Variants in FSHR observed in about 807,000 individuals in gnomAD.
The protein encoded by FSHR is follicle stimulating hormone receptor.
A neutral mutation model predicts 52.1 loss-of-function variants in FSHR; 46 were observed. That is an observed-to-expected ratio of 0.88 (90% CI 0.70 to 1.13). FSHR has a LOEUF of 1.13. Ranked by LOEUF, FSHR falls within the 50% of genes most tolerant of loss-of-function variation. The pLI, the probability that FSHR is intolerant of heterozygous loss-of-function variation, is 0.00. For synonymous variants in FSHR, 399 were observed against 309.6 expected (o/e 1.29, Z -3.03); for missense variants, 964 against 834.6 (o/e 1.16, Z -1.91).
At chr2:49,000,337 G>A (rs1350385141) in intron 4 of FSHR, among the ~76,000 whole-genome samples, 1 of 152,150 alleles carries the variant, frequency 6.6e-6, no homozygotes, top group Non-Finnish European at 1.5e-5. Flanking sequence ...CAAAAGGGAA[G>A]TAAACTTAGG....
At chr2:49,125,164 T>C (rs1377822292) in intron 1 of FSHR, among the ~76,000 whole-genome samples, 1 of 152,222 alleles carries the variant, frequency 6.6e-6, no homozygotes, top group Non-Finnish European at 1.5e-5. Flanking sequence ...ATCCTCCCTA[T>C]TGCCTTTCTT....
At chr2:49,151,813 T>G (rs928481371) in intron 1 of FSHR, among the ~76,000 whole-genome samples, 1 of 152,168 alleles carries the variant, frequency 6.6e-6, no homozygotes, top group Non-Finnish European at 1.5e-5. Context: ...TAGATAACCT[T>G]GATTCAGTCT....
intron 2 of FSHR, among the ~76,000 whole-genome samples, chr2:49,040,696 G>A (rs564785345): frequency 6.6e-6 from 1 of 152,318 alleles, no homozygotes; most frequent in African/African-American, 2.4e-5. Flanking sequence ...GCCATGGGGA[G>A]TCTGGCCTGG....
intron 2 of FSHR, among the ~76,000 whole-genome samples, chr2:49,044,494 C>T (rs142592203): frequency 4.5e-4 from 69 of 152,230 alleles, no homozygotes; most frequent in African/African-American, 1.6e-3. Flanking sequence ...CAATCTCAGT[C>T]CAGTGATTAG....
At chr2:49,042,633 T>C (rs1416514797) in intron 2 of FSHR, among the ~76,000 whole-genome samples, 2 of 152,244 alleles carry the variant, frequency 1.3e-5, no homozygotes, top group Non-Finnish European at 2.9e-5. Flanking sequence ...GTTTTGCTTT[T>C]AATCACTCAT....
chr2:49,034,511 G>C (rs953112235), intron 2 of FSHR, among the ~76,000 whole-genome samples: 3 of 152,150 alleles, frequency 2.0e-5, no homozygotes, highest in Non-Finnish European at 4.4e-5. Context: ...GTCTGGAAAA[G>C]ACCCTTTAGT....
chr2:49,061,192 G>C (rs1471824965), intron 2 of FSHR, among the ~76,000 whole-genome samples: 1 of 152,026 alleles, frequency 6.6e-6, no homozygotes, highest in Non-Finnish European at 1.5e-5. Context: ...CTGCCAAGGA[G>C]AGCAAACTTG....
At chr2:49,089,716 G>T (rs930390307) in intron 1 of FSHR, among the ~76,000 whole-genome samples, 1 of 152,174 alleles carries the variant, frequency 6.6e-6, no homozygotes, top group Non-Finnish European at 1.5e-5. Context: ...AATGAGATAT[G>T]TGTCTTGATT....
At chr2:49,061,794 CTA>C (rs1002605438) in intron 2 of FSHR, among the ~76,000 whole-genome samples, 1 of 136,204 alleles carries the variant, frequency 7.3e-6, no homozygotes, top group African/African-American at 2.7e-5. Context: ...TCATATATAA[CTA>C]TATAGTTATA....
At chr2:48,996,992 A>T (rs1573068049) in intron 4 of FSHR, among the ~76,000 whole-genome samples, 1 of 152,240 alleles carries the variant, frequency 6.6e-6, no homozygotes, top group East Asian at 1.9e-4. Flanking sequence ...AACATGATAA[A>T]AGATGCTAAC....
intron 1 of FSHR, among the ~76,000 whole-genome samples, chr2:49,080,678 G>GTC (rs1339699537): frequency 6.6e-6 from 1 of 152,152 alleles, no homozygotes; most frequent in Non-Finnish European, 1.5e-5. Flanking sequence ...TTGTATTCAT[G>GTC]TCTTTTTATT....
intron 4 of FSHR, among the ~76,000 whole-genome samples, chr2:49,011,258 A>C (rs150500157): frequency 0.02 from 3,027 of 151,664 alleles, 93 homozygotes; most frequent in African/African-American, 0.068. Context: ...CAAAGAACAT[A>C]TTTATTTCTG....
chr2:49,093,595 C>CCTTTTTTTTTTTTTTTTTTTTTTTTTTT, intron 1 of FSHR, among the ~76,000 whole-genome samples: 1 of 132,944 alleles, frequency 7.5e-6, no homozygotes. Flanking sequence ...TTATATTTAT[C>CCTTTTTTTTTTTTTTTTTTTTTTTTTTT]TTTTTTTTTT....
At chr2:49,001,729 A>G (rs1666894198) in intron 4 of FSHR, among the ~76,000 whole-genome samples, 1 of 152,156 alleles carries the variant, frequency 6.6e-6, no homozygotes, top group Non-Finnish European at 1.5e-5. Flanking sequence ...ATAAGGTGTC[A>G]ATATTGTGTT....
chr2:48,990,727 A>G, intron 4 of FSHR, 90 bp from the exon 5 acceptor site: 1 of 833,916 alleles, frequency 1.2e-6, no homozygotes. Flanking sequence ...AAAAATATCA[A>G]TTTTGAACCA....
chr2:49,013,386 A>G (rs1667347754), intron 4 of FSHR, among the ~76,000 whole-genome samples: 1 of 150,310 alleles, frequency 6.7e-6, no homozygotes, highest in Non-Finnish European at 1.5e-5. Context: ...AGGGCCACCT[A>G]TGAGTTTAGG....
intron 1 of FSHR, among the ~76,000 whole-genome samples, chr2:49,118,303 G>A (rs1017695008): frequency 6.6e-6 from 1 of 152,140 alleles, no homozygotes; most frequent in African/African-American, 2.4e-5. Context: ...AGAGGCTTCT[G>A]TGAGTGGATG....
chr2:49,123,701 C>T (rs541538780), intron 1 of FSHR, among the ~76,000 whole-genome samples: 15 of 152,046 alleles, frequency 9.9e-5, no homozygotes, highest in Admixed American at 3.9e-4. Flanking sequence ...ATGCAAGATT[C>T]AGATAACAGA....
At chr2:48,986,111 A>AT (rs953616015) in intron 6 of FSHR, among the ~76,000 whole-genome samples, 2 of 152,140 alleles carry the variant, frequency 1.3e-5, no homozygotes, top group African/African-American at 4.8e-5. Context: ...CCCAATAGAT[A>AT]TTTTTTGTGA....
Sources: allele counts gnomAD v4.1 joint callset (sites outside exome capture counted in the v4.1 genomes callset), GRCh38; gene constraint gnomAD v4.1.1; transcripts MANE v1.5; gene names NCBI Gene and HGNC (gene_info 2026-07-23, HGNC 2026-07-21).